The following CDKN2AIP variants were observed in gnomAD, a reference collection of about 807,000 sequenced individuals.
The protein encoded by CDKN2AIP is CDKN2A interacting protein.
A neutral mutation model predicts 44.1 loss-of-function variants in CDKN2AIP; 12 were observed. That is an observed-to-expected ratio of 0.27 (90% confidence interval 0.17 to 0.44). The LOEUF (loss-of-function observed/expected upper bound fraction) is 0.44, where lower values mean the gene tolerates loss of function less well. CDKN2AIP is among the 20% of genes least tolerant of loss of function. The pLI, the probability that CDKN2AIP is intolerant of heterozygous loss-of-function variation, is 1.00. For synonymous variants in CDKN2AIP, 291 were observed against 272.1 expected (o/e 1.07, Z -0.68); for missense variants, 705 against 681.6 (o/e 1.03, Z -0.38).
chr4:183,446,626 A>G lies in CDKN2AIP; in HGVS notation c.942A>G (p.Thr314=), dbSNP rs142651016. The G allele has an allele frequency of 4.3e-6, 7 of 1,614,044 alleles. No individual in the cohort carries two copies. Among genetic ancestry groups the G allele is most frequent in the Non-Finnish European group, 5.9e-6 (7 of 1,179,860 alleles). The change falls in exon 3 of 3, where the codon ACA becomes ACG. Residue 314 remains threonine (T), a synonymous_variant. Transcript: ENST00000504169. ...PLLSSKPSSE[T]ASSGLTSKTS... ...TGTCTTCCAAACCTAGTTCAGAGAC[A>G]GCTTCAAGTGGGTTAACTTCCAAAA...
In CDKN2AIP at chr4:183,448,428, A is replaced by T. The variant is rs1733729075; in HGVS notation, c.*1001A>T. Among the ~76,000 whole-genome samples, 1 of 152,202 alleles carries T rather than the reference A, an allele frequency of 6.6e-6. No homozygotes were observed. Among genetic ancestry groups the T allele is most frequent in the South Asian group, 2.1e-4 (1 of 4,832 alleles). On this transcript the variant is annotated 3_prime_UTR_variant, in exon 3 of 3. Coordinates refer to ENST00000504169, the MANE Select transcript of CDKN2AIP (RefSeq NM_017632.4). ...CATCTTTTAGAATACCGGAAAGAAC[A>T]GAGAGCCGTGTTCAGCTCTTGATAA...
In CDKN2AIP at chr4:183,447,263, G is replaced by C. The variant is rs1261806263; in HGVS notation, c.1579G>C (p.Ala527Pro). 6.2e-7 allele frequency: 1 copy of C among 1,612,244 alleles called. No individual in the cohort carries two copies. Among genetic ancestry groups the C allele is most frequent in the Non-Finnish European group, 8.5e-7 (1 of 1,179,582 alleles). Residue 527 changes from alanine to proline, a missense_variant, in exon 3 of 3, where the codon GCA becomes CCA. Coordinates refer to ENST00000504169, the MANE Select transcript of CDKN2AIP (RefSeq NM_017632.4). ...AAGCAAAGAAAATGCAAAAGCAGTT[G>C]CATCAAGAGAAGCATTGAAGTTATT... ...GKSKENAKAV[A>P]SREALKLFLK...
At chr4:183,445,233 C>T (rs981076579) in intron 1 of CDKN2AIP, 164 bp downstream of exon 1, 4 of 810,788 alleles carry the variant, frequency 4.9e-6, no homozygotes, top group Non-Finnish European at 7.5e-6. Flanking sequence ...GGCGTCCCTG[C>T]GAGGAGCCGA....
At position 183,446,961 on chromosome 4, in the gene CDKN2AIP, G is replaced by C. The variant is rs745397785; in HGVS notation, c.1277G>C (p.Cys426Ser). The C allele has an allele frequency of 1.9e-6, 3 of 1,614,202 alleles. No homozygotes were observed. In the South Asian group the frequency reaches 3.3e-5, roughly 18 times the overall value. The change falls in exon 3 of 3, where the codon TGC becomes TCC. Residue 426 changes from cysteine to serine, a missense_variant. Physicochemically the swap from Cys to Ser is moderately radical, Grantham distance 112. Coordinates refer to ENST00000504169, the MANE Select transcript of CDKN2AIP (RefSeq NM_017632.4). ...AGTGAGAGTTCTGTCAAATTCTCTT[G>C]CAAGTTAACCAATGAAGATGTGAAA... ...QSSESSVKFS[C>S]KLTNEDVKQK...
chr4:183,444,692 G>A lies in CDKN2AIP; in HGVS notation c.-106G>A, dbSNP rs1188077090. ...GTTTGGTCTTTAGGCCTGCGGAGGG[G>A]CGTTATCTGGAGGGCCGCGGGTGCA... On this transcript the variant is annotated 5_prime_UTR_variant, in exon 1 of 3. Transcript: ENST00000504169. 3.5e-6 allele frequency: 4 copies of A among 1,156,478 alleles called. No homozygotes were observed. The Admixed American group carries it at 1.2e-4, about 34-fold the overall frequency. 71.6% of individuals were successfully genotyped at this position (1,156,478 alleles called of 1,614,324 possible). A position where few individuals can be genotyped will look rare whatever the true frequency, so the allele number is the denominator to read the frequency against.
chr4:183,445,934 CTG>C (rs1178196633), intron 2 of CDKN2AIP, 152 bp from the exon 3 acceptor site: 8 of 684,772 alleles, frequency 1.2e-5, no homozygotes, highest in African/African-American at 5.4e-5. Context: ...TTATTCAACA[CTG>C]TTTTAAGAAA....
chr4:183,445,732 A>G (rs1362827662), intron 2 of CDKN2AIP, 67 bp downstream of exon 2: 12 of 1,343,620 alleles, frequency 8.9e-6, no homozygotes, highest in African/African-American at 1.5e-5. Flanking sequence ...ATTAGGAATT[A>G]TTGTTACTAA....
chr4:183,449,027 A>C lies in CDKN2AIP; in HGVS notation c.*1600A>C, dbSNP rs1172292243. The stretch of plus-strand genomic sequence containing the variant: ...GATAATGATTATCAGAAAAGCAAAA[A>C]ATTACAACGAACAAATAAATTTATA... On this transcript the variant is annotated 3_prime_UTR_variant, in exon 3 of 3. Transcript: ENST00000504169. Among the ~76,000 whole-genome samples, 2 of 152,122 alleles carry C rather than the reference A, an allele frequency of 1.3e-5. No homozygotes were observed. The highest frequency in any genetic ancestry group is 2.9e-5 in the Non-Finnish European group (2 of 67,996).
At position 183,446,280 on chromosome 4, in the gene CDKN2AIP, A is replaced by T. The variant is rs1189259990; in HGVS notation, c.596A>T (p.Gln199Leu). ...GCTCGGAGCTCTGGCATCTCCAGTC[A>T]GAATAGCTCTACAAGTGATGGAGAT... ...NSARSSGISS[Q>L]NSSTSDGDRS... Residue 199 changes from glutamine (Q) to leucine (L), a missense_variant, in exon 3 of 3, where the codon CAG becomes CTG. Physicochemically the swap from Gln to Leu is moderately radical, Grantham distance 113. Around this residue, in one of 2 missense-constraint regions of CDKN2AIP, gnomAD observed 592 missense variants for 518.0 expected, o/e 1.14. Coordinates refer to ENST00000504169, the MANE Select transcript of CDKN2AIP (RefSeq NM_017632.4). 1.2e-6 allele frequency: 2 copies of T among 1,614,022 alleles called. No individual in the cohort carries two copies. Among genetic ancestry groups the T allele is most frequent in the East Asian group, 4.5e-5 (2 of 44,900 alleles).
At chr4:183,445,124 A>G in intron 1 of CDKN2AIP, 55 bp downstream of exon 1, 2 of 1,517,296 alleles carry the variant, frequency 1.3e-6, no homozygotes, top group Admixed American at 4.2e-5. Context: ...CCACCTGCAG[A>G]CCGGGGCCCG....
chr4:183,447,773 C>A lies in CDKN2AIP; in HGVS notation c.*346C>A, dbSNP rs1733714708. ...GGTGAAAATGTATTAAGTTGTCTAC[C>A]ATGTTTTCTTTTCTAGCTGAATAAA... On this transcript the variant is annotated 3_prime_UTR_variant, in exon 3 of 3. Coordinates refer to ENST00000504169, the MANE Select transcript of CDKN2AIP (RefSeq NM_017632.4). The A allele has an allele frequency of 6.0e-6, 1 of 165,832 alleles. No individual in the cohort carries two copies. The highest frequency in any genetic ancestry group is 1.3e-5 in the Non-Finnish European group (1 of 76,996). The allele number at this position is 165,832 out of a possible 1,614,324, so 10.3% of individuals were successfully genotyped here.
At position 183,446,644 on chromosome 4, in the gene CDKN2AIP, T is replaced by C; in HGVS notation, c.960T>C (p.Thr320=). The change falls in exon 3 of 3, where the codon ACT becomes ACC. Residue 320 remains threonine, a synonymous_variant. Transcript: ENST00000504169. ...CAGAGACAGCTTCAAGTGGGTTAAC[T>C]TCCAAAACTAGTTCAGAGGCAAGTG... ...PSSETASSGL[T]SKTSSEASVS... is the part of the protein sequence containing the mutation. 1 of 1,614,158 alleles carries C rather than the reference T, an allele frequency of 6.2e-7. No homozygotes were observed. Among genetic ancestry groups the C allele is most frequent in the South Asian group, 1.1e-5 (1 of 91,086 alleles).
At position 183,444,685 on chromosome 4, in the gene CDKN2AIP, C is replaced by G; in HGVS notation, c.-113C>G. The G allele has an allele frequency of 9.2e-7, 1 of 1,090,604 alleles. No individual in the cohort carries two copies. Among genetic ancestry groups the G allele is most frequent in the Middle Eastern group, 3.1e-4 (1 of 3,236 alleles). 67.6% of individuals were successfully genotyped at this position (1,090,604 alleles called of 1,614,324 possible). A position where few individuals can be genotyped will look rare whatever the true frequency, so the allele number is the denominator to read the frequency against. On this transcript the variant is annotated 5_prime_UTR_variant, in exon 1 of 3. Coordinates refer to ENST00000504169, the MANE Select transcript of CDKN2AIP (RefSeq NM_017632.4). ...CGCTGTTGTTTGGTCTTTAGGCCTG[C>G]GGAGGGGCGTTATCTGGAGGGCCGC...
At chr4:183,445,741 A>G (rs1733653072) in intron 2 of CDKN2AIP, 76 bp downstream of exon 2, 6 of 1,293,282 alleles carry the variant, frequency 4.6e-6, no homozygotes, top group Non-Finnish European at 6.6e-6. Flanking sequence ...TATTGTTACT[A>G]ATTTTTTTAA....
intron 2 of CDKN2AIP, 158 bp downstream of exon 2, chr4:183,445,823 T>C: frequency 1.5e-6 from 1 of 668,430 alleles, no homozygotes; most frequent in Non-Finnish European, 2.5e-6. Flanking sequence ...TATCTGTGTC[T>C]TTAGGCTTTG....
At position 183,448,107 on chromosome 4, in the gene CDKN2AIP, G is replaced by C. The variant is rs1733722039; in HGVS notation, c.*680G>C. The C allele has an allele frequency of 6.6e-6, 1 of 152,062 alleles. No homozygotes were observed. The highest frequency in any genetic ancestry group is 6.6e-5 in the Admixed American group (1 of 15,260). The allele number at this position is 152,062 out of a possible 1,614,324, so 9.4% of individuals were successfully genotyped here. On this transcript the variant is annotated 3_prime_UTR_variant, in exon 3 of 3. Transcript: ENST00000504169. ...ACTTTTTTCTTAAAAACATGAATGT[G>C]GGTTTCTATATTAAGCATATTTTGT...
Position 183,447,234 on chromosome 4 carries a change from GA to G in CDKN2AIP, c.1555del (p.Ser519AlafsTer14), listed in dbSNP as rs774410382. 6.2e-7 allele frequency: 1 copy of G among 1,611,026 alleles called. No individual in the cohort carries two copies. The highest frequency in any genetic ancestry group is 8.5e-7 in the Non-Finnish European group (1 of 1,179,122). On this transcript the variant is annotated frameshift_variant, in exon 3 of 3. Coordinates refer to ENST00000504169, the MANE Select transcript of CDKN2AIP (RefSeq NM_017632.4). LOFTEE classifies it high-confidence loss of function. ...TCTGTGTATTTGGGCACTGGCTGTG[GA>G]AAAAGCAAAGAAAATGCAAAAGCAG... ...CKSVYLGTGC[G>X]KSKENAKAVA...
chr4:183,445,776 A>G (rs1052960308), intron 2 of CDKN2AIP, 111 bp downstream of exon 2: 12 of 847,728 alleles, frequency 1.4e-5, no homozygotes, highest in Non-Finnish European at 2.1e-5. Flanking sequence ...TATGTTATTA[A>G]TAAGTAATAA....
chr4:183,447,304 G>C lies in CDKN2AIP; in HGVS notation c.1620G>C (p.Val540=). 1 of 1,612,202 alleles carries C rather than the reference G, an allele frequency of 6.2e-7. No homozygotes were observed. Among genetic ancestry groups the C allele is most frequent in the Non-Finnish European group, 8.5e-7 (1 of 1,179,468 alleles). ...TGAAGTTATTTCTCAAGAAAAAGGT[G>C]GTGGTAAAAATATGTAAAAGGAAAT... ...EALKLFLKKK[V]VVKICKRKYR... The change falls in exon 3 of 3, where the codon GTG becomes GTC. Residue 540 remains valine, a synonymous_variant. Transcript: ENST00000504169.
Sources: gnomAD v4.1 joint callset for allele counts (sites outside exome capture counted in the v4.1 genomes callset) on GRCh38, gnomAD v4.1.1 for gene constraint, gnomAD v4.1.1 regional missense constraint, MANE v1.5 for transcripts, NCBI Gene and HGNC (gene_info 2026-07-23, HGNC 2026-07-21) for gene names.